Variants in FLG2 observed in about 807,000 individuals in gnomAD.
The protein encoded by FLG2 is filaggrin-2.
In FLG2, 7 loss-of-function variants were observed where a neutral mutation model predicts 3.9. The observed-to-expected ratio is 1.79, with a 90% CI of 1.02 to 3.36. The LOEUF is 3.36. Ranked by LOEUF, FLG2 falls within the 30% of genes most tolerant of loss-of-function variation. The pLI, the probability that FLG2 is intolerant of heterozygous loss-of-function variation, is 0.00. For missense variants in FLG2, 2,700 were observed against 2,809.4 expected (o/e 0.96, Z 0.88); for synonymous variants, 1,031 against 1,056.1 (o/e 0.98, Z 0.46).
rs1460422101 is a variant in FLG2, at chr1:152,351,432, T to TGA, written c.6352_6353dup (p.Ser2122IlefsTer281). ...CATAAGTGTGTCCTGAATGTGTGTGTGAGACCCCTGAGTGCACTTCACTGT... is the reference window on the plus strand; with the variant it reads ...CATAAGTGTGTCCTGAATGTGTGTGTGAGAGACCCCTGAGTGCACTTCACTGT... On this transcript the variant is annotated frameshift_variant, in exon 3 of 3. Coordinates refer to ENST00000388718, the MANE Select transcript of FLG2 (RefSeq NM_001014342.3). LOFTEE classifies it low-confidence loss of function (END_TRUNC). 1.2e-6 allele frequency: 2 copies of TGA among 1,613,424 alleles called. No individual in the cohort carries two copies. The highest frequency in any genetic ancestry group is 4.5e-5 in the East Asian group (2 of 44,788).
In FLG2 at chr1:152,356,752, G is replaced by T. The variant is rs1377902220; in HGVS notation, c.1034C>A (p.Pro345His). 1 of 1,614,028 alleles carries T rather than the reference G, an allele frequency of 6.2e-7. No individual in the cohort carries two copies. Among genetic ancestry groups the T allele is most frequent in the East Asian group, 2.2e-5 (1 of 44,886 alleles). The change falls in exon 3 of 3, where the codon CCC (proline) becomes CAC (histidine). Residue 345 changes from proline to histidine, a missense_variant. By Grantham distance (77) the Pro-to-His change is moderately conservative (BLOSUM62 -2). Transcript: ENST00000388718. ...PSGCGQPESN[P>H]CSQSYSQRGY... ...TCTCTGACTATAGGACTGACTACAGGGGTTAGACTCAGGTTGACCACATCC... is the reference window on the plus strand; with the variant it reads ...TCTCTGACTATAGGACTGACTACAGTGGTTAGACTCAGGTTGACCACATCC...
intron 2 of FLG2, 104 bp downstream of exon 2, chr1:152,358,643 T>G: frequency 9.1e-7 from 1 of 1,099,040 alleles, no homozygotes; most frequent in Non-Finnish European, 1.3e-6. Context: ...TCATAGAGTT[T>G]GCTTAGAGTT....
At position 152,350,872 on chromosome 1, in the gene FLG2, G is replaced by C; in HGVS notation, c.6914C>G (p.Thr2305Ser). Reference sequence around the variant, plus strand: ...TCCATAACCAGAATGGCCATGTCTAGTGGTATCTCCTGTCTGTCCATGAGT... The same window carrying C: ...TCCATAACCAGAATGGCCATGTCTACTGGTATCTCCTGTCTGTCCATGAGT... ...ETTHGQTGDT[T>S]RHGHSGYGQS... Residue 2305 changes from threonine (T) to serine (S), a missense_variant, in exon 3 of 3, where the codon ACT (threonine) becomes AGT (serine). By Grantham distance (58) the Thr-to-Ser change is moderately conservative (BLOSUM62 1). Coordinates refer to ENST00000388718, the MANE Select transcript of FLG2 (RefSeq NM_001014342.3). 6.2e-7 allele frequency: 1 copy of C among 1,614,142 alleles called. No individual in the cohort carries two copies. Among genetic ancestry groups the C allele is most frequent in the Non-Finnish European group, 8.5e-7 (1 of 1,180,028 alleles).
Position 152,355,258 on chromosome 1 carries a change from G to C in FLG2, c.2528C>G (p.Ser843Cys). 1 of 1,612,784 alleles carries C rather than the reference G, an allele frequency of 6.2e-7. No homozygotes were observed. The highest frequency in any genetic ancestry group is 8.5e-7 in the Non-Finnish European group (1 of 1,179,708). The change falls in exon 3 of 3, where the codon TCC (serine) becomes TGC (cysteine). Residue 843 changes from serine to cysteine, a missense_variant. Physicochemically the swap from Ser to Cys is moderately radical, Grantham distance 112. Transcript: ENST00000388718. The stretch of plus-strand genomic sequence containing the variant: ...GCCAGAACCATGTTGGCCATAGCTG[G>C]ACTGATGTGATCTAGACTCATGCTG... The part of the protein sequence containing the change: ...FGQHESRSHQ[S>C]SYGQHGSGSS...
chr1:152,358,130 T>C lies in FLG2; in HGVS notation c.139-483A>G, dbSNP rs370270849. On this transcript the variant is annotated intron_variant, in intron 2 of 2. Coordinates refer to ENST00000388718, the MANE Select transcript of FLG2 (RefSeq NM_001014342.3). ...TCTGCCTCCCAGGTTCACGCCATTCTCCTGCCTCAGCCTCCCGAGTAGCTG... is the reference window on the plus strand; with the variant it reads ...TCTGCCTCCCAGGTTCACGCCATTCCCCTGCCTCAGCCTCCCGAGTAGCTG... Among the ~76,000 whole-genome samples, 77 of 151,794 alleles carry C rather than the reference T, an allele frequency of 5.1e-4. 2 individuals carry two copies. The highest frequency in any genetic ancestry group is 1.8e-3 in the African/African-American group (73 of 41,414).
intron 2 of FLG2, among the ~76,000 whole-genome samples, chr1:152,358,512 A>G (rs1210921502): frequency 2.6e-5 from 4 of 152,282 alleles, no homozygotes; most frequent in African/African-American, 7.2e-5. Flanking sequence ...GCCTGGGTGT[A>G]TGAGAAAGTC....
Position 152,352,848 on chromosome 1 carries a change from A to T in FLG2, c.4938T>A (p.Thr1646=). 1 of 1,613,310 alleles carries T rather than the reference A, an allele frequency of 6.2e-7. No homozygotes were observed. The highest frequency in any genetic ancestry group is 8.5e-7 in the Non-Finnish European group (1 of 1,179,814). The change falls in exon 3 of 3, where the codon ACT becomes ACA. Residue 1646 remains threonine, a synonymous_variant. Coordinates refer to ENST00000388718, the MANE Select transcript of FLG2 (RefSeq NM_001014342.3). ...CACTGTGGCTAGATCTCTGTCTTCC[A>T]GTTGTCCTGGACCCTCTCTGTGTGG... The part of the protein sequence containing the change: ...GQSTQRGSRT[T]GRQRSSHSES...
In FLG2 at chr1:152,355,542, A is replaced by T. The variant is rs1454819119; in HGVS notation, c.2244T>A (p.His748Gln). 5.6e-6 allele frequency: 9 copies of T among 1,613,726 alleles called. No homozygotes were observed. Among genetic ancestry groups the T allele is most frequent in the Admixed American group, 1.7e-5 (1 of 59,988 alleles). The change falls in exon 3 of 3, where the codon CAT (histidine) becomes CAA (glutamine). Residue 748 changes from histidine (H) to glutamine (Q), a missense_variant. His to Gln is a conservative substitution (Grantham distance 24). Coordinates refer to ENST00000388718, the MANE Select transcript of FLG2 (RefSeq NM_001014342.3). ...GSGQSSGFGQ[H>Q]GSGSGQSSGF... ...CAGAGGATTGTCCTGAGCCAGACCCATGTTGTCCAAAGCCAGAGGACTGAC... is the reference window on the plus strand; with the variant it reads ...CAGAGGATTGTCCTGAGCCAGACCCTTGTTGTCCAAAGCCAGAGGACTGAC...
rs74923882 is a variant in FLG2 at position 152,351,524 on chromosome 1, C to A, written c.6262G>T (p.Gly2088Ter). ...DTTRHAHSGHGQSTQRGSRTA... is the reference protein window; with the variant it reads ...DTTRHAHSGH ...CTTGACCCTCTCTGTGTGGACTGTC[C>A]ATGACCAGAGTGAGCATGTCTAGTG... is the stretch of plus-strand genomic sequence containing the variant. Residue 2088 changes from glycine (G) to a stop codon, truncating the protein, a stop_gained, in exon 3 of 3, where the codon GGA becomes TGA. Coordinates refer to ENST00000388718, the MANE Select transcript of FLG2 (RefSeq NM_001014342.3). LOFTEE classifies it low-confidence loss of function (END_TRUNC). 6.2e-7 allele frequency: 1 copy of A among 1,612,542 alleles called. No homozygotes were observed. The highest frequency in any genetic ancestry group is 2.2e-5 in the East Asian group (1 of 44,690).
Position 152,355,848 on chromosome 1 carries a change from C to A in FLG2, c.1938G>T (p.Gly646=), listed in dbSNP as rs760571511. 6.2e-7 allele frequency: 1 copy of A among 1,612,032 alleles called. No homozygotes were observed. Among genetic ancestry groups the A allele is most frequent in the East Asian group, 2.2e-5 (1 of 44,676 alleles). Residue 646 remains glycine, a synonymous_variant, in exon 3 of 3, where the codon GGG becomes GGT. Transcript: ENST00000388718. ...SRQTSGFGQH[G]SGSSQSTGFG... ...AGCCAGTGGATTGACTTGAGCCTGACCCATGTTGTCCAAAGCCAGATGTCT... is the reference window on the plus strand; with the variant it reads ...AGCCAGTGGATTGACTTGAGCCTGAACCATGTTGTCCAAAGCCAGATGTCT...
Position 152,351,419 on chromosome 1 carries a change from C to A in FLG2, c.6367G>T (p.Gly2123Ter). The A allele has an allele frequency of 3.7e-6, 6 of 1,613,438 alleles. No homozygotes were observed. The highest frequency in any genetic ancestry group is 4.2e-6 in the Non-Finnish European group (5 of 1,179,846). ...VHSGVSHTHS[G>*]HTYGQARSQH... is the part of the protein sequence containing the mutation. ...GATCTGGCTTGGCCATAAGTGTGTC[C>A]TGAATGTGTGTGTGAGACCCCTGAG... is the stretch of plus-strand genomic sequence containing the variant. Residue 2123 changes from glycine to a stop codon, truncating the protein, a stop_gained, in exon 3 of 3, where the codon GGA becomes TGA. Coordinates refer to ENST00000388718, the MANE Select transcript of FLG2 (RefSeq NM_001014342.3). LOFTEE classifies it low-confidence loss of function (END_TRUNC).
At position 152,349,619 on chromosome 1, in the gene FLG2, C is replaced by A. The variant is rs1039323452; in HGVS notation, c.*991G>T. 6.6e-6 allele frequency: 1 copy of A among 152,614 alleles called. No individual in the cohort carries two copies. The highest frequency in any genetic ancestry group is 1.5e-5 in the Non-Finnish European group (1 of 68,044). 9.5% of individuals were successfully genotyped at this position (152,614 alleles called of 1,614,324 possible). On this transcript the variant is annotated 3_prime_UTR_variant, in exon 3 of 3. Transcript: ENST00000388718. ...ATACCTTAATTTCATGTATGTGTCT[C>A]ATTTCTTCTCTGGGTTAGTTCTTAT... is the stretch of plus-strand genomic sequence containing the variant.
In FLG2 at chr1:152,351,579, G is replaced by A. The variant is rs537172304; in HGVS notation, c.6207C>T (p.His2069=). ...CTCCTGTCTGTCCATGAGTAGTTCC[G>A]TGTCTCTCATGAACTGAGGATCCTG... is the stretch of plus-strand genomic sequence containing the variant. The part of the protein sequence containing the change: ...GESGSSVHER[H]GTTHGQTGDT... Residue 2069 remains histidine (H), a synonymous_variant, in exon 3 of 3, where the codon CAC becomes CAT. Coordinates refer to ENST00000388718, the MANE Select transcript of FLG2 (RefSeq NM_001014342.3). The A allele has an allele frequency of 1.4e-5, 23 of 1,602,084 alleles. No individual in the cohort carries two copies. The highest frequency in any genetic ancestry group is 1.4e-4 in the Admixed American group (8 of 58,864).
In FLG2 at chr1:152,351,833, C is replaced by G; in HGVS notation, c.5953G>C (p.Glu1985Gln). 6.2e-7 allele frequency: 1 copy of G among 1,612,296 alleles called. No homozygotes were observed. Among genetic ancestry groups the G allele is most frequent in the Non-Finnish European group, 8.5e-7 (1 of 1,179,782 alleles). The change falls in exon 3 of 3, where the codon GAG (glutamate) becomes CAG (glutamine). Residue 1985 changes from glutamate (E) to glutamine (Q), a missense_variant. By Grantham distance (29) the Glu-to-Gln change is conservative. Coordinates refer to ENST00000388718, the MANE Select transcript of FLG2 (RefSeq NM_001014342.3). The stretch of plus-strand genomic sequence containing the variant: ...CTCTCATGAACTGAGGATCCTGACT[C>G]TGGATAGTGAGATCCAGCTTGACCG... ...THGQAGSHYP[E>Q]SGSSVHERHG...
intron 2 of FLG2, among the ~76,000 whole-genome samples, chr1:152,358,025 CTTT>C (rs5777805): frequency 1.4e-5 from 2 of 144,606 alleles, no homozygotes; most frequent in Admixed American, 6.9e-5. Flanking sequence ...ATAACTGAGT[CTTT>C]TTTTTTTTTT....
chr1:152,355,351 G>T lies in FLG2; in HGVS notation c.2435C>A (p.Ser812Ter). 6.2e-7 allele frequency: 1 copy of T among 1,613,784 alleles called. No individual in the cohort carries two copies. The highest frequency in any genetic ancestry group is 8.5e-7 in the Non-Finnish European group (1 of 1,179,894). ...SQSTGFGQYGSGSGQSAGFGQ... is the reference protein window; with the variant it reads ...SQSTGFGQYG ...AAAGCCAGCGGACTGACCTGAGCCTGATCCATATTGGCCAAAGCCAGTGGA... is the reference window on the plus strand; with the variant it reads ...AAAGCCAGCGGACTGACCTGAGCCTTATCCATATTGGCCAAAGCCAGTGGA... Residue 812 changes from serine to a stop codon, truncating the protein, a stop_gained, in exon 3 of 3, where the codon TCA becomes TAA. Transcript: ENST00000388718. LOFTEE classifies it low-confidence loss of function (END_TRUNC).
chr1:152,353,398 C>A lies in FLG2; in HGVS notation c.4388G>T (p.Gly1463Val), dbSNP rs752249395. The change falls in exon 3 of 3, where the codon GGG (glycine) becomes GTG (valine). Residue 1463 changes from glycine (G) to valine (V), a missense_variant. Physicochemically the swap from Gly to Val is moderately radical, Grantham distance 109. Transcript: ENST00000388718. Reference protein sequence around the residue: ...QHGESGSTVHGRHGTTHGQTG... With the variant: ...QHGESGSTVHVRHGTTHGQTG... ...CTGTCCATGAGTAGTTCCGTGTCTC[C>A]CATGAACTGTGGATCCTGACTCTCC... The A allele has an allele frequency of 1.3e-6, 2 of 1,598,252 alleles. No individual in the cohort carries two copies. Among genetic ancestry groups the A allele is most frequent in the Non-Finnish European group, 8.5e-7 (1 of 1,174,358 alleles).
Position 152,356,727 on chromosome 1 carries a change from T to C in FLG2, c.1059A>G (p.Arg353=). ...GACCATTTTCTCTAGCTCCATATCCTCTCTGACTATAGGACTGACTACAGG... is the reference window on the plus strand; with the variant it reads ...GACCATTTTCTCTAGCTCCATATCCCCTCTGACTATAGGACTGACTACAGG... ...SNPCSQSYSQ[R]GYGARENGQP... Residue 353 remains arginine (R), a synonymous_variant, in exon 3 of 3, where the codon AGA becomes AGG. Coordinates refer to ENST00000388718, the MANE Select transcript of FLG2 (RefSeq NM_001014342.3). The C allele has an allele frequency of 6.2e-7, 1 of 1,614,166 alleles. No individual in the cohort carries two copies. Among genetic ancestry groups the C allele is most frequent in the Non-Finnish European group, 8.5e-7 (1 of 1,180,018 alleles).
chr1:152,352,948 A>G lies in FLG2; in HGVS notation c.4838T>C (p.Val1613Ala). 1 of 1,611,758 alleles carries G rather than the reference A, an allele frequency of 6.2e-7. No homozygotes were observed. ...ATGAGTAGTTCCGTGTCTCTCATGA[A>G]CTGTGAATTCTGGCTCTTCATGTTG... ...GSQHEEPEFT[V>A]HERHGTTHGQ... Residue 1613 changes from valine (V) to alanine (A), a missense_variant, in exon 3 of 3, where the codon GTT becomes GCT. Val to Ala is a moderately conservative substitution (Grantham distance 64). Coordinates refer to ENST00000388718, the MANE Select transcript of FLG2 (RefSeq NM_001014342.3).
Sources: gnomAD v4.1 joint callset for allele counts (sites outside exome capture counted in the v4.1 genomes callset) on GRCh38, gnomAD v4.1.1 for gene constraint, MANE v1.5 for transcripts, NCBI Gene and HGNC (gene_info 2026-07-23, HGNC 2026-07-21) for gene names.